CEP128: variants seen among roughly 807,000 people sequenced by gnomAD.
CEP128 encodes centrosomal protein 128.
A neutral mutation model predicts 156.7 loss-of-function variants in CEP128; 132 were observed. That is an observed-to-expected ratio of 0.84 (90% CI 0.73 to 0.97). The LOEUF (loss-of-function observed/expected upper bound fraction) is 0.97. Among genes scored for constraint, CEP128 ranks in the 50% least tolerant of loss-of-function variants. The pLI, the probability that CEP128 is intolerant of heterozygous loss-of-function variation, is 0.00. For synonymous variants in CEP128, 469 were observed against 448.9 expected (o/e 1.04, Z -0.57); for missense variants, 1,252 against 1,281.9 (o/e 0.98, Z 0.36).
intron 19 of CEP128, among the ~76,000 whole-genome samples, chr14:80,662,227 T>C (rs1318696084): frequency 6.6e-6 from 1 of 152,198 alleles, no homozygotes; most frequent in East Asian, 1.9e-4. Flanking sequence ...GTTTATGCCA[T>C]GAAAAGTGGC....
intron 20 of CEP128, among the ~76,000 whole-genome samples, chr14:80,576,343 C>G (rs1237609953): frequency 1.3e-5 from 2 of 152,232 alleles, no homozygotes; most frequent in East Asian, 3.9e-4. Context: ...TGATACTGCA[C>G]TACACATTTA....
At chr14:80,742,367 A>C (rs917750797) in intron 19 of CEP128, among the ~76,000 whole-genome samples, 3 of 151,454 alleles carry the variant, frequency 2.0e-5, no homozygotes, top group Admixed American at 2.0e-4. Context: ...TCTCTTCCTC[A>C]CCTTGGGCTG....
intron 19 of CEP128, among the ~76,000 whole-genome samples, chr14:80,674,649 ATATGTATATATG>A (rs1382636668): frequency 2.6e-5 from 4 of 152,154 alleles, no homozygotes; most frequent in Non-Finnish European, 5.9e-5. Context: ...ATATATATGC[ATATGTATATATG>A]TATGTATAAC....
chr14:80,497,521 A>C lies in CEP128; in HGVS notation c.3243T>G (p.Asn1081Lys), dbSNP rs143910942. Residue 1081 changes from asparagine (N) to lysine (K), a missense_variant, in exon 25 of 25, where the codon AAT (asparagine) becomes AAG (lysine). Physicochemically the swap from Asn to Lys is moderately conservative, Grantham distance 94. Transcript: ENST00000555265. ...SASNKEDATMNGTSSQPKKEE... is the reference protein window; with the variant it reads ...SASNKEDATMKGTSSQPKKEE... ...CTTTTTTGGGTTGTGAACTTGTTCC[A>C]TTCATTGTGGCATCTTCCTTGTTTG... 2.5e-6 allele frequency: 4 copies of C among 1,613,368 alleles called. No individual in the cohort carries two copies. The African/African-American group carries it at 5.3e-5, about 22-fold the overall frequency.
intron 10 of CEP128, 28 bp downstream of exon 10, chr14:80,840,654 C>A (rs957008695): frequency 4.8e-6 from 7 of 1,453,988 alleles, no homozygotes; most frequent in Non-Finnish European, 6.7e-6. Context: ...CCACTTTATT[C>A]TTTGAAAGAT....
intron 14 of CEP128, among the ~76,000 whole-genome samples, chr14:80,789,834 T>G (rs1901610913): frequency 1.3e-5 from 2 of 151,686 alleles, no homozygotes; most frequent in South Asian, 2.1e-4. Flanking sequence ...TTTAACTAAC[T>G]AAAAGGTAGA....
At chr14:80,535,034 G>C (rs928581968) in intron 21 of CEP128, among the ~76,000 whole-genome samples, 4 of 152,116 alleles carry the variant, frequency 2.6e-5, no homozygotes, top group Non-Finnish European at 5.9e-5. Flanking sequence ...GTTTATCTCA[G>C]AGGCTAGAAG....
rs148263818 is a variant in CEP128, at chr14:80,953,618, T to C, written c.-172+4560A>G. 5.9e-5 allele frequency among the ~76,000 whole-genome samples: 9 copies of C among 152,270 alleles called. No homozygotes were observed. In the East Asian group the frequency reaches 1.7e-3, roughly 29 times the overall value. Reference sequence around the variant, plus strand: ...AAACAAAAAAAGGATAAATACATCATGATCAAGTGAGATTTATCCCTGCAA... The same window carrying C: ...AAACAAAAAAAGGATAAATACATCACGATCAAGTGAGATTTATCCCTGCAA... On this transcript the variant is annotated intron_variant, in intron 2 of 7. Transcript: ENST00000555529.
chr14:80,799,909 A>T (rs1002586735), intron 13 of CEP128, among the ~76,000 whole-genome samples: 1 of 152,010 alleles, frequency 6.6e-6, no homozygotes. Flanking sequence ...TTGCCCTGTG[A>T]TCTTTGTTGG....
chr14:80,677,736 C>G (rs937102461), intron 19 of CEP128, among the ~76,000 whole-genome samples: 6 of 151,668 alleles, frequency 4.0e-5, no homozygotes, highest in Non-Finnish European at 8.8e-5. Flanking sequence ...AGGGACTGAT[C>G]TAGAAATAAA....
At chr14:80,737,933 A>G (rs1898619242) in intron 19 of CEP128, among the ~76,000 whole-genome samples, 1 of 152,212 alleles carries the variant, frequency 6.6e-6, no homozygotes, top group East Asian at 1.9e-4. Context: ...AAAATTAACC[A>G]GAGTCCAAAT....
intron 19 of CEP128, among the ~76,000 whole-genome samples, chr14:80,643,818 G>A (rs1894522952): frequency 2.0e-5 from 3 of 152,172 alleles, no homozygotes. Context: ...CATACTCCAA[G>A]CAAGGATCAG....
Position 80,856,715 on chromosome 14 carries a change from C to CTTTTTTTTT in CEP128, c.762+6041_762+6042insAAAAAAAAA, listed in dbSNP as rs1566673747. 5.5e-5 allele frequency among the ~76,000 whole-genome samples: 4 copies of CTTTTTTTTT among 73,204 alleles called. 1 individual carries two copies. The highest frequency in any genetic ancestry group is 2.1e-4 in the African/African-American group (4 of 19,304). 48.0% of individuals were successfully genotyped at this position (73,204 alleles called of 152,430 possible). On this transcript the variant is annotated intron_variant, in intron 9 of 24. Coordinates refer to ENST00000555265, the MANE Select transcript of CEP128 (RefSeq NM_152446.5). The stretch of plus-strand genomic sequence containing the variant: ...TGTCCAGCATTTATCTCATGTTTTT[C>CTTTTTTTTT]TTTTCTTTTTTTTTTTTTTTTTTTT...
chr14:80,585,420 T>C (rs990527462), intron 19 of CEP128, among the ~76,000 whole-genome samples: 2 of 152,234 alleles, frequency 1.3e-5, no homozygotes, highest in African/African-American at 2.4e-5. Context: ...AGGTGAGTCA[T>C]GTCCAGGTGT....
chr14:80,900,091 A>C, intron 6 of CEP128, 62 bp from the exon 7 acceptor site: 1 of 1,056,652 alleles, frequency 9.5e-7, no homozygotes, highest in Non-Finnish European at 1.4e-6. Context: ...ATGAAGATTC[A>C]CCAAAGGTAA....
At chr14:80,741,597 T>C (rs1898833984) in intron 19 of CEP128, among the ~76,000 whole-genome samples, 3 of 152,186 alleles carry the variant, frequency 2.0e-5, no homozygotes, top group Admixed American at 2.0e-4. Context: ...TCAGTTAACC[T>C]GGCAAATGTC....
chr14:80,790,949 T>G lies in CEP128; in HGVS notation c.1560+1811A>C, dbSNP rs574930374. Among the ~76,000 whole-genome samples, 15 of 152,280 alleles carry G rather than the reference T, an allele frequency of 9.9e-5. 1 individual carries two copies. In the South Asian group the frequency reaches 1.4e-3, roughly 15 times the overall value. ...GTTATATTTGTAAATCAGTATAATT[T>G]TTATTTTAATACACCCTTCCAAAAT... On this transcript the variant is annotated intron_variant, in intron 14 of 24. Coordinates refer to ENST00000555265, the MANE Select transcript of CEP128 (RefSeq NM_152446.5).
intron 19 of CEP128, among the ~76,000 whole-genome samples, chr14:80,730,212 G>A (rs1330628284): frequency 5.3e-5 from 8 of 152,058 alleles, no homozygotes; most frequent in African/African-American, 1.2e-4. Context: ...CTATATAGAG[G>A]TCTCCCCTTC....
Position 80,658,202 on chromosome 14 carries a change from G to A in CEP128, c.2807-77779C>T, listed in dbSNP as rs527755848. Among the ~76,000 whole-genome samples the A allele has an allele frequency of 6.6e-4, 101 of 152,242 alleles. 1 individual carries two copies. Among genetic ancestry groups the A allele is most frequent in the Admixed American group, 5.4e-3 (82 of 15,290 alleles). ...AATTTGTCATTTCTGATCTGACATCGCTTATGGGCATGGCAACTATGGAAG... is the reference window on the plus strand; with the variant it reads ...AATTTGTCATTTCTGATCTGACATCACTTATGGGCATGGCAACTATGGAAG... On this transcript the variant is annotated intron_variant, in intron 19 of 24. Transcript: ENST00000555265.
Sources: gnomAD v4.1 joint callset for allele counts (sites outside exome capture counted in the v4.1 genomes callset) on GRCh38, gnomAD v4.1.1 for gene constraint, MANE v1.5 for transcripts, NCBI Gene and HGNC (gene_info 2026-07-23, HGNC 2026-07-21) for gene names.